ATAD2B: variants seen among roughly 807,000 people sequenced by gnomAD.
ATAD2B encodes the protein ATPase family AAA domain containing 2B, also known as ATPase family AAA domain-containing protein 2B.
ATAD2B carries 40 observed loss-of-function variants against 167.6 expected under a neutral mutation model. The ratio of observed to expected loss-of-function variants is 0.24; its 90% confidence interval spans 0.19 to 0.31. The LOEUF (loss-of-function observed/expected upper bound fraction) is 0.31, where lower values mean the gene tolerates loss of function less well. ATAD2B is among the 10% of genes least tolerant of loss of function. ATAD2B has a pLI of 1.00. For missense variants in ATAD2B, 1,242 were observed against 1,757.2 expected (o/e 0.71, Z 5.24); for synonymous variants, 579 against 596.5 (o/e 0.97, Z 0.43).
rs778126775 is a variant in ATAD2B at position 23,857,383 on chromosome 2, G to T, written c.1568+32C>A. Reference sequence around the variant, plus strand: ...AACTACCAAGTCAATGCGTAAAAAAGAAATCAAGATAATCAGATAAAGAAA... The same window carrying T: ...AACTACCAAGTCAATGCGTAAAAAATAAATCAAGATAATCAGATAAAGAAA... On this transcript the variant is annotated intron_variant, in intron 13 of 27. Transcript: ENST00000238789. The T allele has an allele frequency of 3.2e-6, 4 of 1,267,296 alleles. No homozygotes were observed. The South Asian group carries it at 6.0e-5, about 19-fold the overall frequency. The allele number at this position is 1,267,296 out of a possible 1,614,324, so 78.5% of individuals were successfully genotyped here.
intron 8 of ATAD2B, among the ~76,000 whole-genome samples, chr2:23,872,075 A>G (rs1025793171): frequency 6.6e-5 from 10 of 152,080 alleles, no homozygotes; most frequent in African/African-American, 2.4e-4. Flanking sequence ...ACAGGGTTTC[A>G]CTATGTTGGC....
chr2:23,711,583 C>T, the ATAD2B span, among the ~76,000 whole-genome samples: 1 of 151,994 alleles, frequency 6.6e-6, no homozygotes, highest in Admixed American at 6.5e-5. Context: ...GTTGGCCAGG[C>T]TGGTCTCGAA....
chr2:23,917,295 A>G (rs1703181631), intron 1 of ATAD2B, among the ~76,000 whole-genome samples: 1 of 152,236 alleles, frequency 6.6e-6, no homozygotes, highest in Non-Finnish European at 1.5e-5. Context: ...TATTTTAAGC[A>G]CCACTCCTTT....
chr2:23,814,343 C>T (rs1686092998), intron 17 of ATAD2B, among the ~76,000 whole-genome samples: 1 of 152,156 alleles, frequency 6.6e-6, no homozygotes, highest in Non-Finnish European at 1.5e-5. Context: ...CCAGTGTTAT[C>T]ATAGAGCTCA....
the ATAD2B span, among the ~76,000 whole-genome samples, chr2:23,694,467 A>G: frequency 6.6e-6 from 1 of 152,008 alleles, no homozygotes; most frequent in Non-Finnish European, 1.5e-5. Flanking sequence ...CTCCAGCCTG[A>G]GCGGTCTCTC....
intron 5 of ATAD2B, 107 bp from the exon 6 acceptor site, chr2:23,884,980 T>C (rs1288540089): frequency 2.1e-6 from 1 of 481,728 alleles, no homozygotes; most frequent in Non-Finnish European, 3.5e-6. Context: ...TGAGCACCTA[T>C]TTGCGTGCCA....
At chr2:23,792,434 A>G (rs1681901353) in intron 19 of ATAD2B, among the ~76,000 whole-genome samples, 1 of 151,826 alleles carries the variant, frequency 6.6e-6, no homozygotes, top group Non-Finnish European at 1.5e-5. Context: ...AACCTTTGTA[A>G]TAAGAAAAAT....
intron 7 of ATAD2B, among the ~76,000 whole-genome samples, chr2:23,876,764 A>C (rs1466487438): frequency 6.6e-6 from 1 of 152,150 alleles, no homozygotes; most frequent in East Asian, 1.9e-4. Context: ...TCTTAGATAC[A>C]TGATCCATTA....
At chr2:23,770,395 G>A (rs1678150684) in intron 22 of ATAD2B, among the ~76,000 whole-genome samples, 1 of 152,098 alleles carries the variant, frequency 6.6e-6, no homozygotes, top group South Asian at 2.1e-4. Context: ...TTTGTCTTCT[G>A]TATATCTTAT....
intron 18 of ATAD2B, among the ~76,000 whole-genome samples, chr2:23,807,907 A>AATATATTTATAATAT (rs1684742540): frequency 7.7e-6 from 1 of 129,350 alleles, no homozygotes; most frequent in Non-Finnish European, 1.6e-5. Context: ...AAAATATATA[A>AATATATTTATAATAT]ATATAAATAT....
At chr2:23,745,249 T>C (rs907660869), downstream of ATAD2B, among the ~76,000 whole-genome samples, 1 of 151,890 alleles carries the variant, frequency 6.6e-6, no homozygotes, top group African/African-American at 2.4e-5. Flanking sequence ...ATCGTGTTAC[T>C]GCACTCCAGT....
intron 1 of ATAD2B, among the ~76,000 whole-genome samples, chr2:23,922,786 T>A (rs996607475): frequency 4.7e-5 from 7 of 149,070 alleles, no homozygotes; most frequent in Non-Finnish European, 8.9e-5. Flanking sequence ...ATCAGGGAAA[T>A]GCAAATCAAA....
intron 13 of ATAD2B, among the ~76,000 whole-genome samples, chr2:23,836,573 G>A (rs1690014636): frequency 6.6e-6 from 1 of 152,282 alleles, no homozygotes; most frequent in East Asian, 1.9e-4. Flanking sequence ...ACAAGTGGAG[G>A]GTGAGCAAGG....
At chr2:23,849,264 C>T (rs929110589) in intron 13 of ATAD2B, among the ~76,000 whole-genome samples, 2 of 152,004 alleles carry the variant, frequency 1.3e-5, no homozygotes, top group Non-Finnish European at 2.9e-5. Flanking sequence ...AAAAATATAC[C>T]ACACAAACAG....
intron 22 of ATAD2B, among the ~76,000 whole-genome samples, chr2:23,770,587 C>G (rs905726432): frequency 3.3e-5 from 5 of 152,126 alleles, no homozygotes; most frequent in Non-Finnish European, 5.9e-5. Context: ...CCAACACTGT[C>G]TATTGAAATT....
chr2:23,906,662 C>A (rs1009011468), intron 1 of ATAD2B, among the ~76,000 whole-genome samples: 1 of 151,848 alleles, frequency 6.6e-6, no homozygotes, highest in African/African-American at 2.4e-5. Context: ...GAGACACAAC[C>A]AAAAACGAGA....
chr2:23,765,014 T>C (rs951055844), intron 23 of ATAD2B, among the ~76,000 whole-genome samples: 16 of 152,214 alleles, frequency 1.1e-4, no homozygotes, highest in African/African-American at 3.9e-4. Flanking sequence ...GTTTTACATT[T>C]CTCTCTCTCC....
At chr2:23,810,714 A>G (rs113300841) in intron 17 of ATAD2B, among the ~76,000 whole-genome samples, 3 of 152,194 alleles carry the variant, frequency 2.0e-5, no homozygotes, top group African/African-American at 7.2e-5. Context: ...ATAAAAGTAT[A>G]AAATCCACTT....
At chr2:23,917,296 C>A (rs943859000) in intron 1 of ATAD2B, among the ~76,000 whole-genome samples, 3 of 152,154 alleles carry the variant, frequency 2.0e-5, no homozygotes, top group African/African-American at 7.2e-5. Context: ...ATTTTAAGCA[C>A]CACTCCTTTC....
Sources: gnomAD v4.1 joint callset for allele counts (sites outside exome capture counted in the v4.1 genomes callset) on GRCh38, gnomAD v4.1.1 for gene constraint, MANE v1.5 for transcripts, NCBI Gene and HGNC (gene_info 2026-07-23, HGNC 2026-07-21) for gene names.